The following KSR1 variants were observed in gnomAD, a reference collection of about 807,000 sequenced individuals.
KSR1 encodes kinase suppressor of ras 1.
A neutral mutation model predicts 92.9 loss-of-function variants in KSR1; 35 were observed. The observed-to-expected ratio is 0.38, with a 90% CI of 0.29 to 0.50. KSR1 has a LOEUF of 0.50. Ranked by LOEUF, KSR1 falls within the 20% of genes least tolerant of loss-of-function variation. The probability of loss-of-function intolerance (pLI) is 0.94; values close to 1 mark genes in which losing one functional copy is unlikely to be tolerated. For missense variants in KSR1, 972 were observed against 1,158.5 expected, an observed-to-expected ratio of 0.84 and a Z score of 2.34; for synonymous variants, 467 against 472.6, an observed-to-expected ratio of 0.99 and a Z score of 0.15.
chr17:27,520,537 C>T lies in KSR1; in HGVS notation c.232-30031C>T, dbSNP rs192611842. Among the ~76,000 whole-genome samples the T allele has an allele frequency of 1.5e-3, 223 of 152,300 alleles. 2 individuals carry two copies. The highest frequency in any genetic ancestry group is 4.9e-3 in the African/African-American group (205 of 41,566). ...TCCCCAAGGCATTTGTTAGATAAAA[C>T]GAAAATTAAATAAATAAATAAAATG... On this transcript the variant is annotated intron_variant, in intron 1 of 20. Coordinates refer to ENST00000644974, the MANE Select transcript of KSR1 (RefSeq NM_001394583.1).
At chr17:27,572,854 G>A (rs531749193) in intron 2 of KSR1, among the ~76,000 whole-genome samples, 1 of 152,320 alleles carries the variant, frequency 6.6e-6, no homozygotes, top group South Asian at 2.1e-4. Context: ...TCATGATACT[G>A]GGAGATATCA....
At chr17:27,533,127 G>A (rs1016185219) in intron 1 of KSR1, among the ~76,000 whole-genome samples, 2 of 152,192 alleles carry the variant, frequency 1.3e-5, no homozygotes, top group African/African-American at 2.4e-5. Flanking sequence ...CATGGGCTGA[G>A]CAGCTGAACT....
chr17:27,592,137 G>A (rs2073186964), intron 7 of KSR1, among the ~76,000 whole-genome samples: 1 of 152,192 alleles, frequency 6.6e-6, no homozygotes, highest in Non-Finnish European at 1.5e-5. Flanking sequence ...TTGCTGTGAG[G>A]ATGGATAGAT....
At chr17:27,520,500 A>C (rs1392840708) in intron 1 of KSR1, among the ~76,000 whole-genome samples, 2 of 152,222 alleles carry the variant, frequency 1.3e-5, no homozygotes, top group South Asian at 4.1e-4. Flanking sequence ...GGTGCGCATA[A>C]TAAGTGTTGT....
intron 1 of KSR1, among the ~76,000 whole-genome samples, chr17:27,534,011 A>T (rs1410818188): frequency 6.6e-6 from 1 of 152,146 alleles, no homozygotes; most frequent in East Asian, 1.9e-4. Flanking sequence ...CCAGGTCTGG[A>T]GAGTAGCTCC....
At chr17:27,491,974 C>T (rs2068845683) in intron 1 of KSR1, among the ~76,000 whole-genome samples, 1 of 152,164 alleles carries the variant, frequency 6.6e-6, no homozygotes, top group African/African-American at 2.4e-5. Flanking sequence ...CCTCCCATGT[C>T]TAATTTAACC....
At chr17:27,486,776 C>T (rs2068678158) in intron 1 of KSR1, among the ~76,000 whole-genome samples, 1 of 152,112 alleles carries the variant, frequency 6.6e-6, no homozygotes, top group Admixed American at 6.5e-5. Context: ...GTTGGAGTGG[C>T]CTGGGAATCC....
chr17:27,609,247 AAG>A lies in KSR1; in HGVS notation c.2145_2146del (p.Asn716ArgfsTer4). ...KGIVHKDLKS[K>X]NVFYDNGKVV... ...CATCGTACACAAAGATCTCAAATCT[AAG>A]AACGTCTTCTATGACAACGGCAAGG... On this transcript the variant is annotated frameshift_variant, in exon 16 of 21. Transcript: ENST00000644974. LOFTEE classifies it high-confidence loss of function. 6.2e-7 allele frequency: 1 copy of A among 1,614,030 alleles called. No individual in the cohort carries two copies. Among genetic ancestry groups the A allele is most frequent in the Non-Finnish European group, 8.5e-7 (1 of 1,179,890 alleles).
intron 1 of KSR1, among the ~76,000 whole-genome samples, chr17:27,484,785 G>C (rs2068615737): frequency 6.6e-6 from 1 of 152,216 alleles, no homozygotes; most frequent in South Asian, 2.1e-4. Flanking sequence ...GAACCTTCTT[G>C]ATCAGAAGAG....
At chr17:27,475,930 C>T (rs2068329052) in intron 1 of KSR1, among the ~76,000 whole-genome samples, 1 of 152,030 alleles carries the variant, frequency 6.6e-6, no homozygotes, top group African/African-American at 2.4e-5. Flanking sequence ...CATTTGTAGT[C>T]CTGTAAATAT....
intron 1 of KSR1, among the ~76,000 whole-genome samples, chr17:27,494,024 A>G (rs1671362521): frequency 6.6e-6 from 1 of 152,082 alleles, no homozygotes; most frequent in Non-Finnish European, 1.5e-5. Flanking sequence ...GGTGGTTTGT[A>G]GCAGCTGTCA....
At chr17:27,479,201 C>T (rs1239685108) in intron 1 of KSR1, among the ~76,000 whole-genome samples, 1 of 151,490 alleles carries the variant, frequency 6.6e-6, no homozygotes, top group Non-Finnish European at 1.5e-5. Flanking sequence ...TATGCTCCTC[C>T]CTCCATCCAT....
intron 20 of KSR1, among the ~76,000 whole-genome samples, chr17:27,621,550 T>C (rs561142003): frequency 3.9e-4 from 59 of 152,212 alleles, no homozygotes; most frequent in Non-Finnish European, 6.5e-4. Flanking sequence ...AAAATTCTGG[T>C]CATTGATTTG....
chr17:27,506,480 A>T (rs1170757165), intron 1 of KSR1, among the ~76,000 whole-genome samples: 1 of 152,178 alleles, frequency 6.6e-6, no homozygotes, highest in Non-Finnish European at 1.5e-5. Context: ...ATACTCGATT[A>T]TGTGGATGTA....
intron 1 of KSR1, chr17:27,526,464 A>G (rs761955566): frequency 4.9e-5 from 78 of 1,589,826 alleles, no homozygotes; most frequent in Non-Finnish European, 6.2e-5. Context: ...TTTTTTCCCA[A>G]TACATCTTCT....
At chr17:27,475,950 T>C (rs780812672) in intron 1 of KSR1, among the ~76,000 whole-genome samples, 2 of 152,240 alleles carry the variant, frequency 1.3e-5, no homozygotes, top group Admixed American at 6.5e-5. Context: ...TGTGATGATA[T>C]GTATGCATAT....
chr17:27,461,002 A>G (rs2019407035), intron 1 of KSR1, among the ~76,000 whole-genome samples: 1 of 152,238 alleles, frequency 6.6e-6, no homozygotes, highest in African/African-American at 2.4e-5. Context: ...CACAGCTTGC[A>G]GGACCCTGCA....
intron 1 of KSR1, among the ~76,000 whole-genome samples, chr17:27,487,296 G>A (rs2068694657): frequency 6.6e-6 from 1 of 152,012 alleles, no homozygotes; most frequent in South Asian, 2.1e-4. Context: ...TTAGCCAGGT[G>A]TGATAGCGCA....
intron 1 of KSR1, among the ~76,000 whole-genome samples, chr17:27,475,641 C>T (rs1322314920): frequency 6.6e-6 from 1 of 152,198 alleles, no homozygotes; most frequent in Non-Finnish European, 1.5e-5. Context: ...CCCTTCCGTC[C>T]ACCCCATCCT....
Sources: allele counts gnomAD v4.1 joint callset (sites outside exome capture counted in the v4.1 genomes callset), GRCh38; gene constraint gnomAD v4.1.1; transcripts MANE v1.5; gene names NCBI Gene and HGNC (gene_info 2026-07-23, HGNC 2026-07-21).